Variants in MXRA7 observed in about 807,000 individuals in gnomAD.
The protein encoded by MXRA7 is matrix remodeling associated 7.
MXRA7 carries 18 observed loss-of-function variants against 17.4 expected under a neutral mutation model. The ratio of observed to expected loss-of-function variants is 1.03; its 90% CI spans 0.71 to 1.53. MXRA7 has a LOEUF of 1.53. Ranked by LOEUF, MXRA7 falls within the 40% of genes most tolerant of loss-of-function variation. The pLI, the probability that MXRA7 is intolerant of heterozygous loss-of-function variation, is 0.00. For missense variants in MXRA7, 141 were observed against 209.3 expected, an observed-to-expected ratio of 0.67 and a Z score of 2.01; for synonymous variants, 70 against 101.7, an observed-to-expected ratio of 0.69 and a Z score of 1.87.
At chr17:76,701,912 C>G (rs2076595862) in intron 1 of MXRA7, among the ~76,000 whole-genome samples, 1 of 152,200 alleles carries the variant, frequency 6.6e-6, no homozygotes, top group African/African-American at 2.4e-5. Flanking sequence ...TTAACAGTTT[C>G]TGGCAAGTTC....
At chr17:76,679,096 A>G (rs1271224525), downstream of MXRA7, among the ~76,000 whole-genome samples, 3 of 152,026 alleles carry the variant, frequency 2.0e-5, no homozygotes, top group African/African-American at 4.8e-5. Context: ...GGAGTTCAAG[A>G]CCAGCCTGAG....
At chr17:76,701,289 C>A (rs555939006) in intron 1 of MXRA7, among the ~76,000 whole-genome samples, 10 of 152,034 alleles carry the variant, frequency 6.6e-5, no homozygotes, top group African/African-American at 1.9e-4. Context: ...GACAGCAGGT[C>A]TTCAGGGCGT....
chr17:76,686,090 C>T (rs777812366), intron 2 of MXRA7, among the ~76,000 whole-genome samples: 1 of 152,224 alleles, frequency 6.6e-6, no homozygotes, highest in African/African-American at 2.4e-5. Context: ...CTCTAGCTTG[C>T]AGCCTTCATG....
chr17:76,687,549 C>T (rs1036871671), intron 2 of MXRA7, among the ~76,000 whole-genome samples: 6 of 152,370 alleles, frequency 3.9e-5, no homozygotes, highest in Middle Eastern at 3.4e-3. Flanking sequence ...GCAGAAGCCA[C>T]TCCATGTTTG....
intron 1 of MXRA7, among the ~76,000 whole-genome samples, chr17:76,693,080 T>C (rs1360227355): frequency 6.6e-6 from 1 of 152,212 alleles, no homozygotes; most frequent in Non-Finnish European, 1.5e-5. Flanking sequence ...AAGTAAATAT[T>C]CAACTGATGT....
chr17:76,688,793 G>A lies in MXRA7; in HGVS notation c.343-617C>T, dbSNP rs73996675. The A allele has an allele frequency of 6.4e-3, 4,518 of 708,074 alleles. 143 individuals are homozygous for A. The African/African-American group carries it at 0.072, about 11-fold the overall frequency. The allele number at this position is 708,074 out of a possible 1,614,324, so 43.9% of individuals were successfully genotyped here. ...TGCAGGAATGTCAGAGGATGAGAGC[G>A]ACGTGCCGTGCCCATGGGCTCTGTG... On this transcript the variant is annotated intron_variant, in intron 1 of 3. Coordinates refer to ENST00000449428, the MANE Select transcript of MXRA7 (RefSeq NM_198530.4).
chr17:76,683,446 G>C (rs2076336915), intron 3 of MXRA7, among the ~76,000 whole-genome samples: 1 of 152,236 alleles, frequency 6.6e-6, no homozygotes, highest in South Asian at 2.1e-4. Context: ...ACCGTTCTCA[G>C]AGTATCTGCT....
At chr17:76,682,623 G>A (rs1292918662) in intron 3 of MXRA7, among the ~76,000 whole-genome samples, 3 of 152,056 alleles carry the variant, frequency 2.0e-5, no homozygotes, top group African/African-American at 4.8e-5. Flanking sequence ...ATGTGGAGCC[G>A]CGGAGACCCC....
intron 1 of MXRA7, among the ~76,000 whole-genome samples, chr17:76,701,681 G>A (rs1365680399): frequency 6.6e-6 from 1 of 152,104 alleles, no homozygotes; most frequent in African/African-American, 2.4e-5. Flanking sequence ...GTATGTTGTG[G>A]GTGGGGGGTG....
intron 1 of MXRA7, among the ~76,000 whole-genome samples, chr17:76,692,886 T>TCCAG (rs1436346141): frequency 6.6e-6 from 1 of 152,134 alleles, no homozygotes; most frequent in Non-Finnish European, 1.5e-5. Flanking sequence ...CACTGGTGAT[T>TCCAG]CCAGCTTCAC....
intron 1 of MXRA7, among the ~76,000 whole-genome samples, chr17:76,692,614 A>G (rs1187712448): frequency 6.7e-6 from 1 of 148,464 alleles, no homozygotes; most frequent in Non-Finnish European, 1.5e-5. Flanking sequence ...AAAGCAAATG[A>G]GAAGGCCTTA....
At chr17:76,707,488 G>C (rs780632484) in intron 1 of MXRA7, among the ~76,000 whole-genome samples, 1 of 151,944 alleles carries the variant, frequency 6.6e-6, no homozygotes, top group Non-Finnish European at 1.5e-5. Flanking sequence ...ATTTTTAGTA[G>C]AGACGGGGTT....
chr17:76,691,315 G>A (rs1476147932), intron 1 of MXRA7, among the ~76,000 whole-genome samples: 1 of 152,156 alleles, frequency 6.6e-6, no homozygotes, highest in East Asian at 1.9e-4. Flanking sequence ...ACTCTACTTA[G>A]GTACCTCCAT....
At chr17:76,703,964 T>C (rs1019768606) in intron 1 of MXRA7, among the ~76,000 whole-genome samples, 9 of 150,672 alleles carry the variant, frequency 6.0e-5, no homozygotes, top group South Asian at 2.1e-4. Context: ...CCGGGCGTGG[T>C]GGTGGCCACC....
rs767938188 is a variant in MXRA7 at position 76,688,161 on chromosome 17, AGTC to A, written c.355_357del (p.Asp119del). The A allele has an allele frequency of 5.0e-6, 8 of 1,614,098 alleles. No homozygotes were observed. In the East Asian group the frequency reaches 1.8e-4, roughly 36 times the overall value. Reference sequence around the variant, plus strand: ...GATGATGGCCCCTTCTCACCATCCAAGTCCTGCTCCTCTTCCTGCAAGACAAGG... The same window carrying A: ...GATGATGGCCCCTTCTCACCATCCAACTGCTCCTCTTCCTGCAAGACAAGG... On this transcript the variant is annotated inframe_deletion, in exon 2 of 4. Transcript: ENST00000449428.
At chr17:76,679,241 T>G (rs562912935), downstream of MXRA7, among the ~76,000 whole-genome samples, 4 of 150,946 alleles carry the variant, frequency 2.6e-5, no homozygotes, top group South Asian at 8.4e-4. Flanking sequence ...TGAGCTGTGA[T>G]TGCACCACTG....
chr17:76,705,277 C>T (rs548450778), intron 1 of MXRA7, among the ~76,000 whole-genome samples: 227 of 152,306 alleles, frequency 1.5e-3, no homozygotes, highest in Non-Finnish European at 2.5e-3. Context: ...AAGTTAGGCA[C>T]TCAAACAACT....
At chr17:76,684,499 G>A (rs2076358841) in intron 3 of MXRA7, among the ~76,000 whole-genome samples, 2 of 152,176 alleles carry the variant, frequency 1.3e-5, no homozygotes, top group African/African-American at 4.8e-5. Flanking sequence ...AGGATGGTGT[G>A]GAGGGAAAAG....
downstream of MXRA7, chr17:76,677,616 T>G: frequency 6.2e-7 from 1 of 1,612,732 alleles, no homozygotes; most frequent in Admixed American, 1.7e-5. Context: ...GAGCTGCTCC[T>G]GCACGTCGCC....
Sources: gnomAD v4.1 joint callset for allele counts (sites outside exome capture counted in the v4.1 genomes callset) on GRCh38, gnomAD v4.1.1 for gene constraint, MANE v1.5 for transcripts, NCBI Gene and HGNC (gene_info 2026-07-23, HGNC 2026-07-21) for gene names.